Variants in SPG7 observed in about 807,000 individuals in gnomAD.
The protein encoded by SPG7 is mitochondrial inner membrane m-AAA protease component paraplegin.
A neutral mutation model predicts 81.9 loss-of-function variants in SPG7; 103 were observed. The observed-to-expected ratio is 1.26, with a 90% CI of 1.07 to 1.48. SPG7 has a LOEUF of 1.48. Among genes scored for constraint, SPG7 ranks in the 40% most tolerant of loss-of-function variants. The pLI is 0.00. For missense variants in SPG7, 1,241 were observed against 1,087.3 expected (o/e 1.14, Z -1.99); for synonymous variants, 534 against 444.2 (o/e 1.20, Z -2.54).
rs115123224 is a variant in SPG7, at chr16:89,544,100, C to T, written c.1325-548C>T. 3.9e-3 allele frequency: 703 copies of T among 180,430 alleles called. 2 individuals are homozygous for T. The highest frequency in any genetic ancestry group is 0.016 in the African/African-American group (670 of 42,222). 11.2% of individuals were successfully genotyped at this position (180,430 alleles called of 1,614,324 possible). A position where few individuals can be genotyped will look rare whatever the true frequency, so the allele number is the denominator to read the frequency against. The stretch of plus-strand genomic sequence containing the variant: ...CCCAGCAGCTTCATAAATCTCTTTT[C>T]GCAGTTGATTTATTCACATCAAGGG... On this transcript the variant is annotated intron_variant, in intron 9 of 16. Coordinates refer to ENST00000645818, the MANE Select transcript of SPG7 (RefSeq NM_003119.4).
intron 9 of SPG7, 44 bp from the exon 10 acceptor site, chr16:89,544,604 C>A: frequency 6.2e-7 from 1 of 1,612,132 alleles, no homozygotes; most frequent in South Asian, 1.1e-5. Flanking sequence ...TCTGTTGTGT[C>A]AGGACCCCTA....
chr16:89,545,805 C>T (rs573037131), intron 10 of SPG7: 11 of 380,110 alleles, frequency 2.9e-5, no homozygotes, highest in Non-Finnish European at 5.2e-5. Context: ...CTGTGTGTGA[C>T]GTGCTTCATT....
In SPG7 at chr16:89,546,773, C is replaced by T; in HGVS notation, c.1552+13C>T. On this transcript the variant is annotated intron_variant, in intron 11 of 16. Coordinates refer to ENST00000645818, the MANE Select transcript of SPG7 (RefSeq NM_003119.4). ...CCAGGATTCAGTGGTACGTTCTCAA[C>T]CCGCAGCCTGGGCAGCGTCACGTCC... is the stretch of plus-strand genomic sequence containing the variant. The T allele has an allele frequency of 6.3e-7, 1 of 1,578,896 alleles. No homozygotes were observed. The highest frequency in any genetic ancestry group is 8.7e-7 in the Non-Finnish European group (1 of 1,147,860).
chr16:89,510,488 AG>A lies in SPG7; in HGVS notation c.184-1del. ...CCAGTATTGTTTTTTTTTTTTTTTC[AG>A]AGCTTACAATTGAGACTGCTAACCC... On this transcript the variant is annotated splice_acceptor_variant, in intron 1 of 16. Coordinates refer to ENST00000645818, the MANE Select transcript of SPG7 (RefSeq NM_003119.4). LOFTEE classifies it high-confidence loss of function. 6.9e-7 allele frequency: 1 copy of A among 1,457,588 alleles called. No homozygotes were observed. The highest frequency in any genetic ancestry group is 9.4e-7 in the Non-Finnish European group (1 of 1,067,230). 90.3% of individuals were successfully genotyped at this position (1,457,588 alleles called of 1,614,324 possible). A position where few individuals can be genotyped will look rare whatever the true frequency, so the allele number is the denominator to read the frequency against.
chr16:89,523,526 G>C (rs1396685545), intron 3 of SPG7: 1 of 357,960 alleles, frequency 2.8e-6, no homozygotes, highest in Non-Finnish European at 5.5e-6. Context: ...GCCATTGTGA[G>C]CTTGCACTTT....
intron 3 of SPG7, among the ~76,000 whole-genome samples, chr16:89,516,502 G>A: frequency 6.6e-6 from 1 of 152,086 alleles, no homozygotes; most frequent in Admixed American, 6.6e-5. Flanking sequence ...AGGGAGCTGA[G>A]ATTGTGCCAT....
Position 89,553,828 on chromosome 16 carries a change from C to T in SPG7, c.1971C>T (p.Ile657=), listed in dbSNP as rs140356355. 151 of 1,613,456 alleles carry T rather than the reference C, an allele frequency of 9.4e-5. No homozygotes were observed. Among genetic ancestry groups the T allele is most frequent in the Non-Finnish European group, 1.2e-4 (142 of 1,180,038 alleles). ...AQDDLRKVTR[I]AYSMVKQFGM... ...ACGACCTGAGGAAGGTCACCCGCAT[C>T]GCCTACTCCATGGTGAAGCAGTTTG... is the stretch of plus-strand genomic sequence containing the variant. Residue 657 remains isoleucine, a synonymous_variant, in exon 15 of 17, where the codon ATC becomes ATT. Transcript: ENST00000645818.
Position 89,532,479 on chromosome 16 carries a change from T to C in SPG7, c.1167T>C (p.Arg389=). ...TCCCCTCAGGCCTCGGCGCTGCCCG[T>C]GTGCGGAGCCTCTTTAAGGAAGCCC... ...VEVIGGLGAA[R]VRSLFKEARA... Residue 389 remains arginine, a synonymous_variant, in exon 9 of 17, where the codon CGT becomes CGC. Transcript: ENST00000645818. 1 of 1,613,536 alleles carries C rather than the reference T, an allele frequency of 6.2e-7. No individual in the cohort carries two copies. Among genetic ancestry groups the C allele is most frequent in the Non-Finnish European group, 8.5e-7 (1 of 1,180,034 alleles).
At chr16:89,521,398 C>T (rs996367915) in intron 3 of SPG7, 5 of 152,212 alleles carry the variant, frequency 3.3e-5, no homozygotes, top group African/African-American at 9.7e-5. Context: ...ACGTTTGTGA[C>T]GAAAGCAGAA....
chr16:89,554,585 G>A, intron 16 of SPG7, 22 bp downstream of exon 16: 2 of 1,573,716 alleles, frequency 1.3e-6, no homozygotes, highest in Non-Finnish European at 1.7e-6. Context: ...GCCAGGCGTG[G>A]GGGCTACGGC....
In SPG7 at chr16:89,547,652, G is replaced by A. The variant is rs903793267; in HGVS notation, c.1553-351G>A. 9.0e-5 allele frequency: 31 copies of A among 342,742 alleles called. 1 individual carries two copies. Among genetic ancestry groups the A allele is most frequent in the Middle Eastern group, 2.1e-3 (2 of 962 alleles). The allele number at this position is 342,742 out of a possible 1,614,324, so 21.2% of individuals were successfully genotyped here. A position where few individuals can be genotyped will look rare whatever the true frequency, so the allele number is the denominator to read the frequency against. ...TTTTGAGACAGAGTCCTACTCTGTC[G>A]CCCAGACTGGAGTGCAGTGGCGTGA... On this transcript the variant is annotated intron_variant, in intron 11 of 16. Transcript: ENST00000645818.
chr16:89,512,994 G>C lies in SPG7; in HGVS notation c.333G>C (p.Lys111Asn), dbSNP rs1304074191. 1 of 1,613,090 alleles carries C rather than the reference G, an allele frequency of 6.2e-7. No individual in the cohort carries two copies. The highest frequency in any genetic ancestry group is 1.3e-5 in the African/African-American group (1 of 74,906). Residue 111 changes from lysine (K) to asparagine (N), a missense_variant, in exon 3 of 17, where the codon AAG (lysine) becomes AAC (asparagine). Coordinates refer to ENST00000645818, the MANE Select transcript of SPG7 (RefSeq NM_003119.4). ...FNTSRLKQKN[K>N]EKDKSKGKAP... ...CCTCAAGGTTGAAGCAGAAGAATAA[G>C]GAGAAGGATAAGTCGAAGGGGAAGG...
intron 3 of SPG7, among the ~76,000 whole-genome samples, chr16:89,515,134 C>T (rs1210777259): frequency 1.3e-5 from 2 of 151,168 alleles, no homozygotes; most frequent in Non-Finnish European, 2.9e-5. Context: ...GACTCGGTTT[C>T]ACCGTGTTAG....
chr16:89,511,508 G>A (rs928383903), intron 2 of SPG7, among the ~76,000 whole-genome samples: 4 of 152,330 alleles, frequency 2.6e-5, no homozygotes, highest in African/African-American at 9.6e-5. Flanking sequence ...GGAGAGTGCC[G>A]TGCCCACTGG....
In SPG7 at chr16:89,533,966, C is replaced by T. The variant is rs1012429877; in HGVS notation, c.1324+1330C>T. 4.6e-5 allele frequency among the ~76,000 whole-genome samples: 7 copies of T among 152,300 alleles called. No homozygotes were observed. In the South Asian group the frequency reaches 1.5e-3, roughly 32 times the overall value. ...GTGCGATGGTCTCGCCTGTGAACAG[C>T]CTCTGCATTGCAGCCTGGACAACAC... On this transcript the variant is annotated intron_variant, in intron 9 of 16. Coordinates refer to ENST00000645818, the MANE Select transcript of SPG7 (RefSeq NM_003119.4).
chr16:89,524,997 C>T (rs2058242198), intron 4 of SPG7, among the ~76,000 whole-genome samples: 1 of 131,768 alleles, frequency 7.6e-6, no homozygotes. Flanking sequence ...TCTGTCTCAT[C>T]CAGGCTGAGA....
intron 7 of SPG7, chr16:89,531,605 C>T: frequency 4.8e-6 from 2 of 417,432 alleles, no homozygotes; most frequent in South Asian, 4.4e-5. Context: ...AACTCCTGAT[C>T]TCAAGCTACG....
rs2058331730 is a variant in SPG7 at position 89,530,805 on chromosome 16, G to C, written c.984G>C (p.Leu328=). The C allele has an allele frequency of 6.2e-7, 1 of 1,614,006 alleles. No homozygotes were observed. The highest frequency in any genetic ancestry group is 8.5e-7 in the Non-Finnish European group (1 of 1,180,022). Residue 328 remains leucine, a synonymous_variant, in exon 7 of 17, where the codon CTG becomes CTC. Coordinates refer to ENST00000645818, the MANE Select transcript of SPG7 (RefSeq NM_003119.4). The part of the protein sequence containing the change: ...KLEVREFVDY[L]KSPERFLQLG... Reference sequence around the variant, plus strand: ...AAGTCCGCGAGTTTGTGGATTATCTGAAGGTGAAAGCAGCGTGGGCCGGGA... The same window carrying C: ...AAGTCCGCGAGTTTGTGGATTATCTCAAGGTGAAAGCAGCGTGGGCCGGGA...
chr16:89,523,675 G>T (rs1255164182), intron 3 of SPG7: 1 of 464,112 alleles, frequency 2.2e-6, no homozygotes, highest in Admixed American at 2.3e-5. Flanking sequence ...TCAACCTCCC[G>T]CCTCAGCCTC....
Sources: gnomAD v4.1 joint callset for allele counts (sites outside exome capture counted in the v4.1 genomes callset) on GRCh38, gnomAD v4.1.1 for gene constraint, MANE v1.5 for transcripts, NCBI Gene and HGNC (gene_info 2026-07-23, HGNC 2026-07-21) for gene names.